TATDN1: variants seen among roughly 807,000 people sequenced by gnomAD.
TATDN1 encodes deoxyribonuclease TATDN1.
In TATDN1, 40 loss-of-function variants were observed where a neutral mutation model predicts 46.4. The observed-to-expected ratio is 0.86, with a 90% CI of 0.67 to 1.12. The LOEUF is 1.12. Among genes scored for constraint, TATDN1 ranks in the 50% most tolerant of loss-of-function variants. The pLI is 0.00. For missense variants in TATDN1, 326 were observed against 348.4 expected (o/e 0.94, Z 0.51); for synonymous variants, 95 against 105.6 (o/e 0.90, Z 0.62).
chr8:124,512,941 A>G (rs924462356), intron 6 of TATDN1, among the ~76,000 whole-genome samples: 1 of 151,796 alleles, frequency 6.6e-6, no homozygotes, highest in African/African-American at 2.4e-5. Flanking sequence ...TTTGAGCGGA[A>G]TCTTTCTCTG....
intron 4 of TATDN1, among the ~76,000 whole-genome samples, chr8:124,517,749 G>C (rs777111427): frequency 6.6e-6 from 1 of 152,164 alleles, no homozygotes; most frequent in Non-Finnish European, 1.5e-5. Context: ...AAGGATATGA[G>C]AGATTATATA....
At chr8:124,500,728 A>G (rs983124571) in intron 9 of TATDN1, among the ~76,000 whole-genome samples, 2 of 151,542 alleles carry the variant, frequency 1.3e-5, no homozygotes, top group African/African-American at 4.8e-5. Context: ...AGTTGGTAAA[A>G]TAAAGATCTT....
intron 11 of TATDN1, chr8:124,489,830 C>T (rs978630573): frequency 2.0e-5 from 3 of 152,194 alleles, no homozygotes; most frequent in African/African-American, 7.2e-5. Flanking sequence ...CCAAATTGAA[C>T]ATTTAAATAT....
At chr8:124,519,550 C>T (rs764988573) in intron 3 of TATDN1, among the ~76,000 whole-genome samples, 3 of 151,884 alleles carry the variant, frequency 2.0e-5, no homozygotes, top group Non-Finnish European at 4.4e-5. Flanking sequence ...TTATGTTATC[C>T]AGTAGTTTCT....
At chr8:124,496,757 T>G (rs544324707) in intron 9 of TATDN1, among the ~76,000 whole-genome samples, 1 of 152,324 alleles carries the variant, frequency 6.6e-6, no homozygotes, top group South Asian at 2.1e-4. Flanking sequence ...GCATTTTTAA[T>G]TTCAGCATTT....
rs796078114 is a variant in TATDN1, at chr8:124,526,775, C to T, written c.23-3773G>A. The T allele has an allele frequency of 2.0e-5, 3 of 152,208 alleles. No homozygotes were observed. The East Asian group carries it at 5.8e-4, about 29-fold the overall frequency. The allele number at this position is 152,208 out of a possible 1,614,324, so 9.4% of individuals were successfully genotyped here. On this transcript the variant is annotated intron_variant, in intron 1 of 11. Transcript: ENST00000276692. ...GAAAACCACAACTCTTAAGTTGAAG[C>T]CTCAGTTATTGGGCTCACTGAATCG... is the stretch of plus-strand genomic sequence containing the variant.
intron 11 of TATDN1, chr8:124,489,058 A>G (rs1816681461): frequency 3.8e-6 from 1 of 260,504 alleles, no homozygotes; most frequent in African/African-American, 2.3e-5. Flanking sequence ...AAACATTGAC[A>G]AGTACATTGT....
At chr8:124,525,406 C>T (rs1820399337) in intron 1 of TATDN1, among the ~76,000 whole-genome samples, 1 of 152,122 alleles carries the variant, frequency 6.6e-6, no homozygotes, top group African/African-American at 2.4e-5. Flanking sequence ...CTTGGCCTCC[C>T]AAAATGCTGG....
chr8:124,502,131 G>A (rs921419587), intron 9 of TATDN1, among the ~76,000 whole-genome samples: 1 of 152,066 alleles, frequency 6.6e-6, no homozygotes, highest in African/African-American at 2.4e-5. Context: ...TCAGGAGGTC[G>A]AGACCATCCC....
At chr8:124,535,535 T>C (rs1460716349) in intron 1 of TATDN1, among the ~76,000 whole-genome samples, 1 of 152,154 alleles carries the variant, frequency 6.6e-6, no homozygotes, top group African/African-American at 2.4e-5. Context: ...CTAGTTAAGA[T>C]GAACATTTCC....
intron 11 of TATDN1, chr8:124,489,820 C>T (rs1418101898): frequency 6.6e-6 from 1 of 152,150 alleles, no homozygotes; most frequent in Non-Finnish European, 1.5e-5. Flanking sequence ...GTTCCAAAGT[C>T]CAAATTGAAC....
chr8:124,525,771 T>G (rs1396714298), intron 1 of TATDN1, among the ~76,000 whole-genome samples: 1 of 152,194 alleles, frequency 6.6e-6, no homozygotes. Context: ...AAGAATGCAT[T>G]ATCAAATAGC....
chr8:124,497,734 T>A (rs558962442), intron 9 of TATDN1, among the ~76,000 whole-genome samples: 14 of 152,340 alleles, frequency 9.2e-5, no homozygotes, highest in Non-Finnish European at 1.5e-4. Context: ...TTTTGTGATC[T>A]AAGGCAGCCA....
intron 11 of TATDN1, among the ~76,000 whole-genome samples, chr8:124,493,473 C>T (rs1324314753): frequency 6.6e-6 from 1 of 152,120 alleles, no homozygotes; most frequent in South Asian, 2.1e-4. Flanking sequence ...AGTCCCACCC[C>T]CTTTGATTGG....
chr8:124,516,448 G>A (rs1361983027), intron 4 of TATDN1, among the ~76,000 whole-genome samples: 1 of 151,434 alleles, frequency 6.6e-6, no homozygotes, highest in African/African-American at 2.4e-5. Context: ...GGCTACATAC[G>A]CATGCCACCA....
chr8:124,495,090 A>G, intron 10 of TATDN1: 1 of 238,850 alleles, frequency 4.2e-6, no homozygotes, highest in Non-Finnish European at 8.1e-6. Flanking sequence ...GTTGCACTGT[A>G]CAAAGTGCTG....
chr8:124,494,165 CCTT>C, intron 10 of TATDN1: 1 of 382,820 alleles, frequency 2.6e-6, no homozygotes, highest in Non-Finnish European at 4.5e-6. Flanking sequence ...CACTTCTATT[CCTT>C]TTTTCTGCTA....
chr8:124,498,781 G>C (rs1011202932), intron 9 of TATDN1, among the ~76,000 whole-genome samples: 3 of 151,978 alleles, frequency 2.0e-5, no homozygotes, highest in African/African-American at 7.3e-5. Context: ...CTCCCAAGTA[G>C]CTGAGATTAC....
In TATDN1 at chr8:124,488,634, A is replaced by G. The variant is rs529214227; in HGVS notation, c.854T>C (p.Leu285Pro). ...AAATACTTTAATAGTATTGTTATAT[A>G]GTGTATTGGCTAATTCCAGTGGATC... Reference protein sequence around the residue: ...DEDPLELANTLYNNTIKVFFP... With the variant: ...DEDPLELANTPYNNTIKVFFP... Residue 285 changes from leucine (L) to proline (P), a missense_variant, in exon 12 of 12, where the codon CTA (leucine) becomes CCA (proline). By Grantham distance (98) the Leu-to-Pro change is moderately conservative. Transcript: ENST00000276692. The G allele has an allele frequency of 1.3e-6, 2 of 1,598,460 alleles. No homozygotes were observed. The highest frequency in any genetic ancestry group is 4.5e-5 in the East Asian group (2 of 44,654).
Sources: allele counts gnomAD v4.1 joint callset (sites outside exome capture counted in the v4.1 genomes callset), GRCh38; gene constraint gnomAD v4.1.1; transcripts MANE v1.5; gene names NCBI Gene and HGNC (gene_info 2026-07-23, HGNC 2026-07-21).